Variants in KIF11 observed in about 807,000 individuals in gnomAD.
KIF11 encodes kinesin-like protein KIF11.
A neutral mutation model predicts 121.0 loss-of-function variants in KIF11; 9 were observed. The ratio of observed to expected loss-of-function variants is 0.07; its 90% CI spans 0.04 to 0.13. The LOEUF is 0.13. Ranked by LOEUF, KIF11 falls within the 10% of genes least tolerant of loss-of-function variation. The pLI is 1.00. For synonymous variants in KIF11, 408 were observed against 421.0 expected (o/e 0.97, Z 0.38); for missense variants, 846 against 1,217.5 (o/e 0.69, Z 4.54).
chr10:92,616,808 A>G lies in KIF11; in HGVS notation c.1104A>G (p.Lys368=), dbSNP rs144384635. 14 of 1,599,084 alleles carry G rather than the reference A, an allele frequency of 8.8e-6. No individual in the cohort carries two copies. The African/African-American group carries it at 1.7e-4, about 20-fold the overall frequency. The change falls in exon 9 of 22, where the codon AAA becomes AAG. Residue 368 remains lysine (K), a synonymous_variant. Transcript: ENST00000260731. The stretch of plus-strand genomic sequence containing the variant: ...TGAATAAGCCTGAAGTGAATCAGAA[A>G]CTCACCAAAAAAGCTCTTATTAAGG... ...NILNKPEVNQ[K]LTKKALIKEY... is the part of the protein sequence containing the mutation.
rs1844435431 is a variant in KIF11 at position 92,606,813 on chromosome 10, T to TG, written c.308+98dup. ...GTTTTTTGAGACGGAGTTTCACTCT[T>TG]GTTGCCCAGGCTGGAGTGCAATGGC... On this transcript the variant is annotated intron_variant, in intron 3 of 21. Transcript: ENST00000260731. The TG allele has an allele frequency of 4.0e-5, 31 of 776,840 alleles. No individual in the cohort carries two copies. In the South Asian group the frequency reaches 4.6e-4, roughly 11 times the overall value. The allele number at this position is 776,840 out of a possible 1,614,324, so 48.1% of individuals were successfully genotyped here.
chr10:92,594,092 C>T (rs1844264595), intron 1 of KIF11, among the ~76,000 whole-genome samples: 1 of 152,112 alleles, frequency 6.6e-6, no homozygotes, highest in Non-Finnish European at 1.5e-5. Flanking sequence ...CAAATAACTT[C>T]CCAATTTTAA....
At chr10:92,601,005 A>C (rs1335226068) in intron 1 of KIF11, among the ~76,000 whole-genome samples, 1 of 150,336 alleles carries the variant, frequency 6.7e-6, no homozygotes, top group Non-Finnish European at 1.5e-5. Context: ...GATTACATGC[A>C]CATGCCACCA....
Position 92,637,474 on chromosome 10 carries a change from T to G in KIF11, c.2089T>G (p.Leu697Val), listed in dbSNP as rs781259791. Residue 697 changes from leucine (L) to valine (V), a missense_variant, in exon 16 of 22, where the codon TTG becomes GTG. Physicochemically the swap from Leu to Val is conservative, Grantham distance 32. Around this residue, in one of 5 missense-constraint regions of KIF11, gnomAD observed 492 missense variants for 603.4 expected, o/e 0.82. Transcript: ENST00000260731. Reference sequence around the variant, plus strand: ...ACTACAAGAAAATACCATTTGTTCCTTGGTTGAGTCACAAAAGCAATGTGG... The same window carrying G: ...ACTACAAGAAAATACCATTTGTTCCGTGGTTGAGTCACAAAAGCAATGTGG... ...HELQENTICS[L>V]VESQKQCGNL... The G allele has an allele frequency of 1.2e-5, 19 of 1,608,348 alleles. No individual in the cohort carries two copies. The highest frequency in any genetic ancestry group is 2.7e-5 in the African/African-American group (2 of 74,580).
chr10:92,630,477 C>T lies in KIF11; in HGVS notation c.1494+113C>T, dbSNP rs1380380025. 10 of 538,844 alleles carry T rather than the reference C, an allele frequency of 1.9e-5. No individual in the cohort carries two copies. In the African/African-American group the frequency reaches 2.0e-4, roughly 11 times the overall value. The allele number at this position is 538,844 out of a possible 1,614,324, so 33.4% of individuals were successfully genotyped here. ...ATTCACCCCAAATGGTATTTCTGTC[C>T]ATTTAAAAAACATTATTTTACTATT... On this transcript the variant is annotated intron_variant, in intron 12 of 21. Transcript: ENST00000260731.
rs548968453 is a variant in KIF11, at chr10:92,645,437, A to G, written c.2342A>G (p.Gln781Arg). The change falls in exon 18 of 22, where the codon CAG (glutamine) becomes CGG (arginine). Residue 781 changes from glutamine (Q) to arginine (R), a missense_variant. By Grantham distance (43) the Gln-to-Arg change is conservative. Coordinates refer to ENST00000260731, the MANE Select transcript of KIF11 (RefSeq NM_004523.4). The stretch of plus-strand genomic sequence containing the variant: ...TGTGCTGATTCTGATGGCTTCTCAC[A>G]GGAACTCAGAAATTTTAACCAAGAA... The part of the protein sequence containing the change: ...KFCADSDGFS[Q>R]ELRNFNQEGT... The G allele has an allele frequency of 3.7e-6, 6 of 1,613,704 alleles. No individual in the cohort carries two copies. The highest frequency in any genetic ancestry group is 5.1e-6 in the Non-Finnish European group (6 of 1,179,706).
At chr10:92,630,853 G>A (rs1414489833) in intron 12 of KIF11, among the ~76,000 whole-genome samples, 2 of 114,440 alleles carry the variant, frequency 1.7e-5, no homozygotes, top group African/African-American at 3.7e-5. Context: ...GGCAACAAGA[G>A]CGAAACTCCG....
intron 14 of KIF11, among the ~76,000 whole-genome samples, chr10:92,636,678 TTTATTGTAATATAATAAATTATTGTA>T (rs1214043181): frequency 2.0e-5 from 3 of 151,960 alleles, no homozygotes; most frequent in South Asian, 2.1e-4. Context: ...AATTATTATA[TTTATTGTAATATAATAAATTATTGTA>T]TTATTGTATT....
chr10:92,642,495 C>T (rs1474219240), intron 17 of KIF11, among the ~76,000 whole-genome samples: 2 of 152,182 alleles, frequency 1.3e-5, no homozygotes, highest in Non-Finnish European at 2.9e-5. Flanking sequence ...TTCAGGTCAT[C>T]CACGGCCTTA....
At chr10:92,643,301 A>T (rs1030904782) in intron 17 of KIF11, among the ~76,000 whole-genome samples, 2 of 152,106 alleles carry the variant, frequency 1.3e-5, no homozygotes, top group Non-Finnish European at 2.9e-5. Context: ...TTTTAGTAGT[A>T]TGTCTAGGAT....
Position 92,606,731 on chromosome 10 carries a change from G to T in KIF11, c.308+15G>T. 8.4e-7 allele frequency: 1 copy of T among 1,192,432 alleles called. No homozygotes were observed. The allele number at this position is 1,192,432 out of a possible 1,614,324, so 73.9% of individuals were successfully genotyped here. A position where few individuals can be genotyped will look rare whatever the true frequency, so the allele number is the denominator to read the frequency against. ...ACTATCTTTGCGTAAGTAAAAGGGTGTTTTTTCTGATTTATGAAAAAGCTT... is the reference window on the plus strand; with the variant it reads ...ACTATCTTTGCGTAAGTAAAAGGGTTTTTTTTCTGATTTATGAAAAAGCTT... On this transcript the variant is annotated intron_variant, in intron 3 of 21. Transcript: ENST00000260731.
chr10:92,647,634 T>C (rs919537058), intron 18 of KIF11, among the ~76,000 whole-genome samples: 2 of 152,198 alleles, frequency 1.3e-5, no homozygotes, highest in Admixed American at 1.3e-4. Flanking sequence ...TAGAGATACA[T>C]GCTGAAGTAA....
chr10:92,606,364 C>G lies in KIF11; in HGVS notation c.177C>G (p.Asp59Glu). 1.2e-6 allele frequency: 2 copies of G among 1,611,450 alleles called. No individual in the cohort carries two copies. Among genetic ancestry groups the G allele is most frequent in the Middle Eastern group, 3.3e-4 (2 of 6,052 alleles). Residue 59 changes from aspartate to glutamate, a missense_variant, in exon 2 of 22, where the codon GAC becomes GAG. This residue lies in a region of KIF11 where 140 missense variants were observed against 193.5 expected (regional missense o/e 0.72). Coordinates refer to ENST00000260731, the MANE Select transcript of KIF11 (RefSeq NM_004523.4). ...EVSVRTGGLA[D>E]KSSRKTYTFD... ...GTGTACGAACTGGAGGATTGGCTGA[C>G]AAGAGCTCAAGGAAAACATACACTT...
intron 1 of KIF11, among the ~76,000 whole-genome samples, chr10:92,601,730 T>C (rs1337418408): frequency 1.3e-5 from 2 of 151,136 alleles, no homozygotes; most frequent in Non-Finnish European, 2.9e-5. Context: ...TTTTTAGAGA[T>C]GGGGTCTCGC....
intron 10 of KIF11, among the ~76,000 whole-genome samples, chr10:92,626,915 A>G (rs1844684776): frequency 6.6e-6 from 1 of 152,030 alleles, no homozygotes. Context: ...GCCCGCCACC[A>G]CGCCCTGCTA....
At chr10:92,634,650 G>GATAC (rs1363988353) in intron 14 of KIF11, among the ~76,000 whole-genome samples, 1 of 152,150 alleles carries the variant, frequency 6.6e-6, no homozygotes, top group African/African-American at 2.4e-5. Context: ...TCAAATGTAT[G>GATAC]GAACTAACTT....
chr10:92,649,115 A>C, intron 19 of KIF11, among the ~76,000 whole-genome samples: 1 of 146,170 alleles, frequency 6.8e-6, no homozygotes, highest in Non-Finnish European at 1.5e-5. Context: ...TTATATCACA[A>C]AACTCTTTTT....
Position 92,648,487 on chromosome 10 carries a change from CTA to C in KIF11, c.2770+55_2770+56del, listed in dbSNP as rs370318444. On this transcript the variant is annotated intron_variant, in intron 19 of 21. Transcript: ENST00000260731. ...AAATTTTTTGAAGTCGAATTCAACT[CTA>C]TGTAGTGTCAGATGTTCAGAAAAAT... 1,310 of 1,137,426 alleles carry C rather than the reference CTA, an allele frequency of 1.2e-3. 13 individuals carry two copies. The African/African-American group carries it at 0.019, about 17-fold the overall frequency. 70.5% of individuals were successfully genotyped at this position (1,137,426 alleles called of 1,614,324 possible). A position where few individuals can be genotyped will look rare whatever the true frequency, so the allele number is the denominator to read the frequency against.
chr10:92,653,660 C>T lies in KIF11; in HGVS notation c.3040-5C>T. 8 of 1,608,450 alleles carry T rather than the reference C, an allele frequency of 5.0e-6. No homozygotes were observed. Among genetic ancestry groups the T allele is most frequent in the Non-Finnish European group, 6.8e-6 (8 of 1,177,476 alleles). On this transcript the variant is annotated splice_polypyrimidine_tract_variant and splice_region_variant and intron_variant, in intron 21 of 21. Coordinates refer to ENST00000260731, the MANE Select transcript of KIF11 (RefSeq NM_004523.4). ...TGACTTAATTTTCCCGCCTTAAATC[C>T]ACAGCATAAAAAATCACATGGAAAA... is the stretch of plus-strand genomic sequence containing the variant.
Sources: gnomAD v4.1 joint callset for allele counts (sites outside exome capture counted in the v4.1 genomes callset) on GRCh38, gnomAD v4.1.1 for gene constraint, gnomAD v4.1.1 regional missense constraint, MANE v1.5 for transcripts, NCBI Gene and HGNC (gene_info 2026-07-23, HGNC 2026-07-21) for gene names.